AMBRA1: variants seen among roughly 807,000 people sequenced by gnomAD.
AMBRA1 encodes autophagy and beclin 1 regulator 1, also known as activating molecule in BECN1-regulated autophagy protein 1.
A neutral mutation model predicts 125.4 loss-of-function variants in AMBRA1; 47 were observed. That is an observed-to-expected ratio of 0.37 (90% CI 0.30 to 0.48). The LOEUF (loss-of-function observed/expected upper bound fraction) is 0.48. Among genes scored for constraint, AMBRA1 ranks in the 20% least tolerant of loss-of-function variants. The pLI is 0.99. For missense variants in AMBRA1, 1,331 were observed against 1,693.4 expected (o/e 0.79, Z 3.76); for synonymous variants, 626 against 655.5 (o/e 0.95, Z 0.69).
chr11:46,430,912 G>A lies in AMBRA1; in HGVS notation c.2976+2562C>T, dbSNP rs549842074. ...TTACCTGTGCAAAGAGGGAGATGCT[G>A]TACTGTCCCATTAAACCCTTGCTCC... On this transcript the variant is annotated intron_variant, in intron 14 of 17. Transcript: ENST00000683756. Among the ~76,000 whole-genome samples, 13 of 152,322 alleles carry A rather than the reference G, an allele frequency of 8.5e-5. No homozygotes were observed. In the South Asian group the frequency reaches 2.1e-3, roughly 24 times the overall value.
chr11:46,554,229 A>G (rs1340546948), intron 1 of AMBRA1, among the ~76,000 whole-genome samples: 1 of 152,176 alleles, frequency 6.6e-6, no homozygotes, highest in Non-Finnish European at 1.5e-5. Flanking sequence ...ACCATTTATA[A>G]TCTTACAAGG....
chr11:46,586,114 A>T (rs2044391145), intron 1 of AMBRA1, among the ~76,000 whole-genome samples: 1 of 152,134 alleles, frequency 6.6e-6, no homozygotes, highest in Non-Finnish European at 1.5e-5. Flanking sequence ...GAAAATAATA[A>T]TGATTTTTAA....
In AMBRA1 at chr11:46,564,013, G is replaced by A. The variant is rs183869811; in HGVS notation, c.-120-15513C>T. On this transcript the variant is annotated intron_variant, in intron 1 of 17. Transcript: ENST00000683756. ...TACAAAATTAGCCAGGCATGGTGGCGCATGCCTGTAATCCCAACTACTTGG... is the reference window on the plus strand; with the variant it reads ...TACAAAATTAGCCAGGCATGGTGGCACATGCCTGTAATCCCAACTACTTGG... 4.5e-3 allele frequency among the ~76,000 whole-genome samples: 677 copies of A among 151,552 alleles called. 7 individuals are homozygous for A. The highest frequency in any genetic ancestry group is 6.8e-3 in the Middle Eastern group (2 of 294).
At chr11:46,475,493 C>T (rs995041769) in intron 11 of AMBRA1, among the ~76,000 whole-genome samples, 5 of 152,132 alleles carry the variant, frequency 3.3e-5, no homozygotes, top group African/African-American at 1.2e-4. Context: ...TCTCTGTATA[C>T]AAAAATCCCC....
At chr11:46,513,406 AAACTC>A (rs1235941163) in intron 7 of AMBRA1, among the ~76,000 whole-genome samples, 1 of 152,042 alleles carries the variant, frequency 6.6e-6, no homozygotes, top group African/African-American at 2.4e-5. Flanking sequence ...GCCCAATAAC[AAACTC>A]AACTGATCAT....
At chr11:46,545,456 T>A in intron 5 of AMBRA1, 148 bp downstream of exon 5, 2 of 883,036 alleles carry the variant, frequency 2.3e-6, no homozygotes, top group Non-Finnish European at 3.3e-6. Context: ...AGTGACACCC[T>A]GTCTCAAAAA....
intron 9 of AMBRA1, among the ~76,000 whole-genome samples, chr11:46,503,331 G>A (rs1264030247): frequency 6.6e-6 from 1 of 152,136 alleles, no homozygotes; most frequent in Non-Finnish European, 1.5e-5. Flanking sequence ...GAAGAGAGAT[G>A]GGGGAATCGC....
At chr11:46,562,037 G>A (rs756292052) in intron 1 of AMBRA1, among the ~76,000 whole-genome samples, 10 of 152,120 alleles carry the variant, frequency 6.6e-5, no homozygotes, top group Non-Finnish European at 5.9e-5. Flanking sequence ...AAGCTTATGT[G>A]ATTTTTATAT....
chr11:46,523,095 AAT>A (rs994454505), intron 7 of AMBRA1, among the ~76,000 whole-genome samples: 1 of 152,186 alleles, frequency 6.6e-6, no homozygotes, highest in African/African-American at 2.4e-5. Context: ...AATCTGCAGA[AAT>A]ATGAGGGCAG....
At chr11:46,428,678 C>G in intron 14 of AMBRA1, 1 of 1,600,764 alleles carries the variant, frequency 6.2e-7, no homozygotes, top group Non-Finnish European at 8.5e-7. Context: ...ACCACGTCCA[C>G]GACCAAATCC....
chr11:46,509,056 A>C (rs1463865243), intron 8 of AMBRA1, among the ~76,000 whole-genome samples: 1 of 152,264 alleles, frequency 6.6e-6, no homozygotes, highest in Non-Finnish European at 1.5e-5. Context: ...TCTAACAGAA[A>C]AAAATAAAAG....
At chr11:46,554,884 C>G (rs1312086418) in intron 1 of AMBRA1, among the ~76,000 whole-genome samples, 7 of 152,108 alleles carry the variant, frequency 4.6e-5, no homozygotes. Context: ...AATCAATTCT[C>G]AATCACCAAA....
intron 11 of AMBRA1, among the ~76,000 whole-genome samples, chr11:46,460,075 T>A (rs1368561922): frequency 6.6e-6 from 1 of 152,242 alleles, no homozygotes; most frequent in African/African-American, 2.4e-5. Context: ...ATTTCATCTC[T>A]GTGTAAACAT....
chr11:46,511,588 C>T (rs146387773), intron 8 of AMBRA1, among the ~76,000 whole-genome samples: 212 of 152,342 alleles, frequency 1.4e-3, no homozygotes, highest in Admixed American at 2.7e-3. Flanking sequence ...CACTGCTAAC[C>T]TGCCAACCCC....
chr11:46,439,914 CT>C (rs34040432), intron 12 of AMBRA1, among the ~76,000 whole-genome samples: 6,047 of 146,664 alleles, frequency 0.041, 174 homozygotes, highest in Non-Finnish European at 0.065. Context: ...CCACATACTA[CT>C]TTTTTTTTTT....
chr11:46,453,237 C>T (rs1330540955), intron 11 of AMBRA1, among the ~76,000 whole-genome samples: 1 of 151,950 alleles, frequency 6.6e-6, no homozygotes, highest in Non-Finnish European at 1.5e-5. Context: ...TTTATCCACG[C>T]TTATTGCATG....
chr11:46,408,804 C>A lies in AMBRA1; in HGVS notation c.3210-98G>T, dbSNP rs1445015784. On this transcript the variant is annotated intron_variant, in intron 16 of 17. Transcript: ENST00000683756. ...GTGCCAATCCTCAGGGCAGTGTGGG[C>A]CAGGCCCTGCAGGCTAAGAGAAGCC... 2.1e-5 allele frequency: 25 copies of A among 1,202,568 alleles called. No individual in the cohort carries two copies. In the Middle Eastern group the frequency reaches 6.2e-4, roughly 30 times the overall value. 74.5% of individuals were successfully genotyped at this position (1,202,568 alleles called of 1,614,324 possible). A position where few individuals can be genotyped will look rare whatever the true frequency, so the allele number is the denominator to read the frequency against.
At chr11:46,474,208 G>A (rs1393677665) in intron 11 of AMBRA1, among the ~76,000 whole-genome samples, 1 of 151,992 alleles carries the variant, frequency 6.6e-6, no homozygotes, top group African/African-American at 2.4e-5. Flanking sequence ...GGTAAAATCA[G>A]TCAGTTTGAT....
intron 1 of AMBRA1, among the ~76,000 whole-genome samples, chr11:46,582,322 T>C (rs913797965): frequency 2.6e-5 from 4 of 152,160 alleles, no homozygotes; most frequent in African/African-American, 4.8e-5. Flanking sequence ...AGTCTCTGCT[T>C]AAGTATCACT....
Sources: gnomAD v4.1 joint callset for allele counts (sites outside exome capture counted in the v4.1 genomes callset) on GRCh38, gnomAD v4.1.1 for gene constraint, MANE v1.5 for transcripts, NCBI Gene and HGNC (gene_info 2026-07-23, HGNC 2026-07-21) for gene names.